PLXDC2: variants seen among roughly 807,000 people sequenced by gnomAD.
PLXDC2 encodes the protein plexin domain-containing protein 2.
In PLXDC2, 40 loss-of-function variants were observed where a neutral mutation model predicts 68.9. The ratio of observed to expected loss-of-function variants is 0.58; its 90% confidence interval spans 0.45 to 0.76. The LOEUF is 0.76. Among genes scored for constraint, PLXDC2 ranks in the 30% least tolerant of loss-of-function variants. The pLI, the probability that PLXDC2 is intolerant of heterozygous loss-of-function variation, is 0.00. For missense variants in PLXDC2, 644 were observed against 661.9 expected (o/e 0.97, Z 0.30); for synonymous variants, 243 against 234.2 (o/e 1.04, Z -0.34).
At chr10:20,238,662 A>AAAATAC in intron 12 of PLXDC2, among the ~76,000 whole-genome samples, 2 of 31,752 alleles carry the variant, frequency 6.3e-5, no homozygotes, top group Non-Finnish European at 1.5e-4. Flanking sequence ...TCTCAAAAAA[A>AAAATAC]ATATATATAT....
At chr10:20,182,352 T>C (rs1470196372) in intron 9 of PLXDC2, among the ~76,000 whole-genome samples, 1 of 152,000 alleles carries the variant, frequency 6.6e-6, no homozygotes, top group Non-Finnish European at 1.5e-5. Flanking sequence ...AATCACACAG[T>C]ATTTACAATT....
chr10:20,273,408 A>G lies in PLXDC2; in HGVS notation c.1474-6295A>G, dbSNP rs192530942. 6.4e-4 allele frequency among the ~76,000 whole-genome samples: 97 copies of G among 152,120 alleles called. 1 individual carries two copies. Among genetic ancestry groups the G allele is most frequent in the African/African-American group, 2.2e-3 (93 of 41,478 alleles). ...ATAATGCTGTCTTCTAGAGGAGGAGATGTTATGAAAAGGATTCACTCCTGG... is the reference window on the plus strand; with the variant it reads ...ATAATGCTGTCTTCTAGAGGAGGAGGTGTTATGAAAAGGATTCACTCCTGG... On this transcript the variant is annotated intron_variant, in intron 13 of 13. Coordinates refer to ENST00000377252, the MANE Select transcript of PLXDC2 (RefSeq NM_032812.9).
intron 13 of PLXDC2, among the ~76,000 whole-genome samples, chr10:20,268,215 C>T (rs1835895135): frequency 6.6e-6 from 1 of 151,842 alleles, no homozygotes; most frequent in African/African-American, 2.4e-5. Flanking sequence ...TTATTTCAAC[C>T]TCTGAATTGA....
chr10:20,081,704 A>G (rs1353405711), intron 4 of PLXDC2, among the ~76,000 whole-genome samples: 1 of 152,048 alleles, frequency 6.6e-6, no homozygotes, highest in African/African-American at 2.4e-5. Context: ...TCTGCAAAAT[A>G]CTCAACCAGT....
At chr10:20,126,996 A>T (rs186127127) in intron 4 of PLXDC2, among the ~76,000 whole-genome samples, 6 of 151,110 alleles carry the variant, frequency 4.0e-5, no homozygotes, top group African/African-American at 1.2e-4. Context: ...ATGTATAAGG[A>T]TATGACATTA....
intron 9 of PLXDC2, among the ~76,000 whole-genome samples, chr10:20,178,771 A>G (rs1834562892): frequency 6.6e-6 from 1 of 152,166 alleles, no homozygotes; most frequent in Non-Finnish European, 1.5e-5. Flanking sequence ...TATTATGGCT[A>G]GAACAATATT....
rs918197085 is a variant in PLXDC2 at position 20,217,568 on chromosome 10, C to A, written c.1265C>A (p.Pro422His). Residue 422 changes from proline (P) to histidine (H), a missense_variant, in exon 11 of 14, where the codon CCT (proline) becomes CAT (histidine). Around this residue, in one of 3 missense-constraint regions of PLXDC2, gnomAD observed 330 missense variants for 327.9 expected, o/e 1.01. Transcript: ENST00000377252. ...AVTSQFPTSLPTEDDTKIALH... is the reference protein window; with the variant it reads ...AVTSQFPTSLHTEDDTKIALH... The stretch of plus-strand genomic sequence containing the variant: ...ACTTCTCAGTTTCCCACCAGCCTCC[C>A]TACAGAAGGTACCCAAGAGATAGTT... 6 of 1,589,354 alleles carry A rather than the reference C, an allele frequency of 3.8e-6. No homozygotes were observed. The African/African-American group carries it at 5.5e-5, about 15-fold the overall frequency.
At chr10:20,130,894 G>A (rs1234563320) in intron 4 of PLXDC2, among the ~76,000 whole-genome samples, 2 of 152,072 alleles carry the variant, frequency 1.3e-5, no homozygotes, top group Non-Finnish European at 2.9e-5. Context: ...ATTTGGTAAG[G>A]ATTTCTGCAT....
At chr10:20,192,172 T>C (rs1834775326) in intron 9 of PLXDC2, among the ~76,000 whole-genome samples, 1 of 152,010 alleles carries the variant, frequency 6.6e-6, no homozygotes, top group South Asian at 2.1e-4. Context: ...GCATGGATTG[T>C]AGAAGAGATG....
At chr10:20,085,899 C>T (rs1388412683) in intron 4 of PLXDC2, among the ~76,000 whole-genome samples, 1 of 152,090 alleles carries the variant, frequency 6.6e-6, no homozygotes, top group Non-Finnish European at 1.5e-5. Context: ...ATCAAGAAAG[C>T]AATTAGAGGT....
rs200441831 is a variant in PLXDC2 at position 19,860,680 on chromosome 10, C to A, written c.112+43489C>A. Among the ~76,000 whole-genome samples, 16 of 152,276 alleles carry A rather than the reference C, an allele frequency of 1.1e-4. No individual in the cohort carries two copies. In the East Asian group the frequency reaches 2.9e-3, roughly 28 times the overall value. On this transcript the variant is annotated intron_variant, in intron 1 of 13. Coordinates refer to ENST00000377252, the MANE Select transcript of PLXDC2 (RefSeq NM_032812.9). ...TATCTACTATACCCAGGGCCCAGCACCACCTGAACAGACCAGATCCTCACT... is the reference window on the plus strand; with the variant it reads ...TATCTACTATACCCAGGGCCCAGCAACACCTGAACAGACCAGATCCTCACT...
intron 13 of PLXDC2, among the ~76,000 whole-genome samples, chr10:20,249,442 G>T (rs11011904): frequency 0.25 from 37,452 of 151,764 alleles, 4,739 homozygotes; most frequent in African/African-American, 0.31. Context: ...TGGTTCCTTC[G>T]GGAGGCTTCA....
At chr10:20,036,945 G>C (rs550009985) in intron 2 of PLXDC2, among the ~76,000 whole-genome samples, 48 of 152,286 alleles carry the variant, frequency 3.2e-4, no homozygotes, top group African/African-American at 1.1e-3. Context: ...CCTGTACTAG[G>C]TATTCAAACA....
chr10:19,842,387 A>C (rs1036504400), intron 1 of PLXDC2, among the ~76,000 whole-genome samples: 15 of 152,108 alleles, frequency 9.9e-5, no homozygotes, highest in African/African-American at 3.4e-4. Context: ...GGTGTACAGT[A>C]ATGGGCTTCA....
intron 1 of PLXDC2, among the ~76,000 whole-genome samples, chr10:19,870,669 G>C (rs1206537069): frequency 6.6e-6 from 1 of 152,108 alleles, no homozygotes. Flanking sequence ...GAAGTGATCT[G>C]CCTGCCTTGG....
intron 1 of PLXDC2, among the ~76,000 whole-genome samples, chr10:19,885,129 T>A (rs1263003310): frequency 7.2e-5 from 11 of 152,190 alleles, no homozygotes; most frequent in Non-Finnish European, 1.5e-4. Flanking sequence ...TTTCATGTGT[T>A]TTTTGGCTGC....
chr10:20,210,989 G>T (rs1461308160), intron 9 of PLXDC2, among the ~76,000 whole-genome samples: 1 of 151,976 alleles, frequency 6.6e-6, no homozygotes, highest in African/African-American at 2.4e-5. Flanking sequence ...CATGGCCCAG[G>T]GTCCCAAGTA....
intron 1 of PLXDC2, among the ~76,000 whole-genome samples, chr10:19,842,659 A>G (rs1400198879): frequency 6.6e-6 from 1 of 152,228 alleles, no homozygotes. Flanking sequence ...AACCTAAGCC[A>G]GTAAGAAGCT....
At chr10:20,231,660 A>T (rs1277849853) in intron 12 of PLXDC2, among the ~76,000 whole-genome samples, 1 of 151,854 alleles carries the variant, frequency 6.6e-6, no homozygotes, top group Non-Finnish European at 1.5e-5. Context: ...TTTTTTTGAA[A>T]ATTTTAATAA....
Sources: gnomAD v4.1 joint callset for allele counts (sites outside exome capture counted in the v4.1 genomes callset) on GRCh38, gnomAD v4.1.1 for gene constraint, gnomAD v4.1.1 regional missense constraint, MANE v1.5 for transcripts, NCBI Gene and HGNC (gene_info 2026-07-23, HGNC 2026-07-21) for gene names.